Variants in GLI3 observed in about 807,000 individuals in gnomAD.
GLI3 encodes GLI family zinc finger 3.
Under a neutral mutation model 100.8 loss-of-function variants are expected in GLI3, and 20 were observed. That is an observed-to-expected ratio of 0.20 (90% confidence interval 0.14 to 0.29). The LOEUF is 0.29. Ranked by LOEUF, GLI3 falls within the 10% of genes least tolerant of loss-of-function variation. The probability of loss-of-function intolerance (pLI) is 1.00; values close to 1 mark genes in which losing one functional copy is unlikely to be tolerated. For synonymous variants in GLI3, 938 were observed against 860.5 expected, an observed-to-expected ratio of 1.09 and a Z score of -1.58; for missense variants, 2,040 against 2,128.5, an observed-to-expected ratio of 0.96 and a Z score of 0.82.
chr7:42,215,153 A>G (rs1788349833), intron 2 of GLI3, among the ~76,000 whole-genome samples: 1 of 152,014 alleles, frequency 6.6e-6, no homozygotes, highest in Admixed American at 6.6e-5. Flanking sequence ...AGTTTAAAGC[A>G]CAAGTGGTGG....
At chr7:42,133,642 A>AG (rs1554332331) in intron 3 of GLI3, among the ~76,000 whole-genome samples, 4 of 71,504 alleles carry the variant, frequency 5.6e-5, no homozygotes, top group African/African-American at 9.3e-5. Flanking sequence ...AGAAAGCAGC[A>AG]GAAAAAAAAA....
chr7:42,086,668 T>C (rs145603441), intron 3 of GLI3, among the ~76,000 whole-genome samples: 1 of 152,100 alleles, frequency 6.6e-6, no homozygotes, highest in East Asian at 1.9e-4. Context: ...TTACCCCCTC[T>C]TCAAGACTCA....
intron 4 of GLI3, among the ~76,000 whole-genome samples, chr7:42,063,583 A>T (rs1784614743): frequency 6.6e-6 from 1 of 152,214 alleles, no homozygotes; most frequent in South Asian, 2.1e-4. Context: ...CAATTGTAAA[A>T]CACTATAGAT....
At chr7:42,181,942 C>T (rs1401210946) in intron 2 of GLI3, among the ~76,000 whole-genome samples, 1 of 152,212 alleles carries the variant, frequency 6.6e-6, no homozygotes, top group Non-Finnish European at 1.5e-5. Flanking sequence ...GATTACAGGA[C>T]TTCAGAGTGG....
At chr7:41,979,645 A>C (rs1317276608) in intron 10 of GLI3, among the ~76,000 whole-genome samples, 1 of 152,218 alleles carries the variant, frequency 6.6e-6, no homozygotes, top group Non-Finnish European at 1.5e-5. Context: ...GGTTGAGCAT[A>C]CTATTTCAAT....
At chr7:42,219,643 C>A (rs1788442817) in intron 2 of GLI3, among the ~76,000 whole-genome samples, 1 of 152,136 alleles carries the variant, frequency 6.6e-6, no homozygotes, top group Non-Finnish European at 1.5e-5. Context: ...TCTGCAAGGA[C>A]ATGCAGTGGA....
chr7:42,233,784 A>G (rs1012464514), intron 1 of GLI3, among the ~76,000 whole-genome samples: 1 of 152,190 alleles, frequency 6.6e-6, no homozygotes, highest in Admixed American at 6.5e-5. Flanking sequence ...ATCTAGAAAA[A>G]TGACAACGTG....
intron 3 of GLI3, chr7:42,145,750 G>GA: frequency 5.0e-6 from 2 of 397,100 alleles, no homozygotes; most frequent in Non-Finnish European, 8.9e-6. Flanking sequence ...AGAAGAGAAG[G>GA]AAAAAAAGAG....
intron 3 of GLI3, among the ~76,000 whole-genome samples, chr7:42,109,263 G>A (rs894446860): frequency 3.9e-5 from 6 of 152,060 alleles, no homozygotes; most frequent in Admixed American, 2.0e-4. Context: ...ACAAATCTGC[G>A]GTTCATCACA....
At chr7:42,223,566 C>T (rs968027829) in intron 1 of GLI3, among the ~76,000 whole-genome samples, 2 of 152,216 alleles carry the variant, frequency 1.3e-5, no homozygotes, top group African/African-American at 2.4e-5. Flanking sequence ...TGGTATCAAA[C>T]GGTATAAAAA....
At chr7:42,047,156 A>G (rs1784262042) in intron 5 of GLI3, among the ~76,000 whole-genome samples, 1 of 152,246 alleles carries the variant, frequency 6.6e-6, no homozygotes, top group South Asian at 2.1e-4. Flanking sequence ...ACCCTTTCTC[A>G]AAATAAAATA....
chr7:42,054,817 C>A (rs930663460), intron 4 of GLI3, among the ~76,000 whole-genome samples: 3 of 151,548 alleles, frequency 2.0e-5, no homozygotes, highest in Non-Finnish European at 4.4e-5. Context: ...GACCTCATCT[C>A]TAGAAAAATA....
chr7:42,098,604 A>C (rs1255182097), intron 3 of GLI3, among the ~76,000 whole-genome samples: 1 of 152,214 alleles, frequency 6.6e-6, no homozygotes, highest in African/African-American at 2.4e-5. Context: ...AATCCAAACC[A>C]AAATAAGATC....
chr7:42,014,015 C>T (rs1017349827), intron 10 of GLI3, among the ~76,000 whole-genome samples: 1 of 152,178 alleles, frequency 6.6e-6, no homozygotes, highest in Non-Finnish European at 1.5e-5. Context: ...ACTCGTAAAA[C>T]ATCTCCAAAC....
intron 10 of GLI3, among the ~76,000 whole-genome samples, chr7:41,986,568 T>A (rs1042253724): frequency 2.0e-5 from 3 of 152,126 alleles, no homozygotes; most frequent in Admixed American, 2.0e-4. Context: ...GCATGCTAAA[T>A]GAAAGAAGCC....
intron 5 of GLI3, among the ~76,000 whole-genome samples, chr7:42,045,943 C>T (rs1784236131): frequency 6.6e-6 from 1 of 152,170 alleles, no homozygotes; most frequent in South Asian, 2.1e-4. Context: ...AAATACTTTT[C>T]TAAGCTTTCT....
At chr7:42,192,210 G>A (rs7783733) in intron 2 of GLI3, among the ~76,000 whole-genome samples, 20,173 of 152,020 alleles carry the variant, frequency 0.13, 1,741 homozygotes, top group Non-Finnish European at 0.19. Flanking sequence ...GGAGTGAGGC[G>A]GAGTTTAATG....
At chr7:42,243,282 C>G (rs1006867588) in intron 1 of GLI3, among the ~76,000 whole-genome samples, 1 of 152,184 alleles carries the variant, frequency 6.6e-6, no homozygotes, top group Non-Finnish European at 1.5e-5. Context: ...TCTAGCATCC[C>G]TTTCATGGTC....
rs761642540 is a variant in GLI3, at chr7:41,966,208, C to G, written c.2865G>C (p.Thr955=). The G allele has an allele frequency of 3.1e-6, 5 of 1,607,538 alleles. No individual in the cohort carries two copies. The highest frequency in any genetic ancestry group is 4.2e-6 in the Non-Finnish European group (5 of 1,178,732). The change falls in exon 15 of 15, where the codon ACG becomes ACC. Residue 955 remains threonine (T), a synonymous_variant. Transcript: ENST00000395925. This position sits in a 1 kb window ranked among gnomAD's most constrained non-coding sequence, Gnocchi z 5.8. The stretch of plus-strand genomic sequence containing the variant: ...GGGCATCCCCGAGCAGCGCCAGGCG[C>G]GTCTTCAGGCTCATCCTCTCCATGT... The part of the protein sequence containing the change: ...LPNMERMSLK[T]RLALLGDALE...
Sources: allele counts gnomAD v4.1 joint callset (sites outside exome capture counted in the v4.1 genomes callset), GRCh38; gene constraint gnomAD v4.1.1; non-coding constraint Gnocchi (gnomAD v3.1); transcripts MANE v1.5; gene names NCBI Gene and HGNC (gene_info 2026-07-23, HGNC 2026-07-21).